VAC14: variants seen among roughly 807,000 people sequenced by gnomAD.
VAC14 encodes VAC14 component of PIKFYVE complex, also known as protein VAC14 homolog.
VAC14 carries 47 observed loss-of-function variants against 85.3 expected under a neutral mutation model. That is an observed-to-expected ratio of 0.55 (90% CI 0.44 to 0.70). The LOEUF is 0.70. Ranked by LOEUF, VAC14 falls within the 30% of genes least tolerant of loss-of-function variation. The probability of loss-of-function intolerance (pLI) is 0.00; values close to 1 mark genes in which losing one functional copy is unlikely to be tolerated. For missense variants in VAC14, 861 were observed against 1,004.3 expected (o/e 0.86, Z 1.93); for synonymous variants, 447 against 430.5 (o/e 1.04, Z -0.47).
intron 13 of VAC14, among the ~76,000 whole-genome samples, chr16:70,742,014 G>A (rs2030367872): frequency 6.6e-6 from 1 of 152,186 alleles, no homozygotes; most frequent in African/African-American, 2.4e-5. Flanking sequence ...CAGTCTCCTG[G>A]TCCTCCTTCC....
At chr16:70,763,384 G>A (rs1304955980) in intron 10 of VAC14, among the ~76,000 whole-genome samples, 2 of 152,216 alleles carry the variant, frequency 1.3e-5, no homozygotes, top group African/African-American at 2.4e-5. Flanking sequence ...TGCACAGGAG[G>A]AGAAACCCTC....
At chr16:70,688,470 A>T in intron 18 of VAC14, 1 of 994,284 alleles carries the variant, frequency 1.0e-6, no homozygotes. Flanking sequence ...TCTGGGGAGA[A>T]GGGGGAGGTG....
chr16:70,691,805 G>A, intron 18 of VAC14: 1 of 985,410 alleles, frequency 1.0e-6, no homozygotes, highest in South Asian at 4.7e-5. Context: ...GGGTGGGAGG[G>A]GCAGTGGGAG....
At chr16:70,782,042 C>T (rs764767197) in intron 7 of VAC14, 39 bp from the exon 8 acceptor site, 28 of 1,603,944 alleles carry the variant, frequency 1.7e-5, no homozygotes, top group Middle Eastern at 1.8e-4. Context: ...GGCCAGCACA[C>T]GCAGCCCGAG....
Position 70,776,968 on chromosome 16 carries a change from T to G in VAC14, c.1096+3822A>C, listed in dbSNP as rs938387995. 3.3e-5 allele frequency among the ~76,000 whole-genome samples: 5 copies of G among 152,030 alleles called. No homozygotes were observed. In the East Asian group the frequency reaches 9.6e-4, roughly 29 times the overall value. ...GACTATAGGCATGCACCACCATGAC[T>G]GGCTAATTTTTTGTATTTTTAGTAG... On this transcript the variant is annotated intron_variant, in intron 9 of 18. Transcript: ENST00000261776.
At position 70,745,115 on chromosome 16, in the gene VAC14, G is replaced by T. The variant is rs539565424; in HGVS notation, c.1372-536C>A. ...CCTCCACATTTGGCGTGCTACTCTG[G>T]TCTCCAAGGTAAAGGACTTCCTAAT... On this transcript the variant is annotated intron_variant, in intron 12 of 18. Coordinates refer to ENST00000261776, the MANE Select transcript of VAC14 (RefSeq NM_018052.5). 34 of 153,082 alleles carry T rather than the reference G, an allele frequency of 2.2e-4. No homozygotes were observed. In the South Asian group the frequency reaches 6.6e-3, roughly 30 times the overall value. The allele number at this position is 153,082 out of a possible 1,614,324, so 9.5% of individuals were successfully genotyped here. A position where few individuals can be genotyped will look rare whatever the true frequency, so the allele number is the denominator to read the frequency against.
At chr16:70,785,297 C>T (rs965160453) in intron 3 of VAC14, among the ~76,000 whole-genome samples, 1 of 152,242 alleles carries the variant, frequency 6.6e-6, no homozygotes, top group African/African-American at 2.4e-5. Flanking sequence ...CTCCACCAGG[C>T]TGCAAGAGGC....
At chr16:70,698,290 AG>A (rs1292827248) in intron 15 of VAC14, among the ~76,000 whole-genome samples, 3 of 152,182 alleles carry the variant, frequency 2.0e-5, no homozygotes, top group Non-Finnish European at 2.9e-5. Context: ...ACCACCATGC[AG>A]GGTGGGCCCA....
At chr16:70,779,142 T>C (rs2033683419) in intron 9 of VAC14, 1 of 152,256 alleles carries the variant, frequency 6.6e-6, no homozygotes, top group Non-Finnish European at 1.5e-5. Flanking sequence ...TCCAGCTGTT[T>C]TGTTGCTCTG....
chr16:70,758,559 G>A (rs374179560), intron 12 of VAC14, among the ~76,000 whole-genome samples: 32 of 152,324 alleles, frequency 2.1e-4, no homozygotes, highest in African/African-American at 4.8e-4. Context: ...TCCCACCATC[G>A]GGACCATGGA....
intron 1 of VAC14, among the ~76,000 whole-genome samples, chr16:70,794,927 C>T (rs921732205): frequency 3.3e-5 from 5 of 152,180 alleles, no homozygotes; most frequent in Non-Finnish European, 5.9e-5. Flanking sequence ...ACAGTGGACC[C>T]GTAAGATGAT....
At chr16:70,695,470 G>C in intron 17 of VAC14, 74 bp downstream of exon 17, 1 of 1,503,548 alleles carries the variant, frequency 6.7e-7, no homozygotes, top group Non-Finnish European at 9.2e-7. Flanking sequence ...ACCAACTGGA[G>C]CTTGACTTCA....
chr16:70,749,830 A>G (rs2031234200), intron 12 of VAC14, among the ~76,000 whole-genome samples: 1 of 152,152 alleles, frequency 6.6e-6, no homozygotes, highest in Non-Finnish European at 1.5e-5. Context: ...GAGGCTCTGG[A>G]GCACCAATCT....
chr16:70,786,029 G>T, intron 2 of VAC14, 160 bp from the exon 3 acceptor site: 1 of 1,323,262 alleles, frequency 7.6e-7, no homozygotes, highest in Non-Finnish European at 1.0e-6. Flanking sequence ...CCAGGAGAGG[G>T]CCCATGCCTA....
At chr16:70,777,957 C>T (rs929743167) in intron 9 of VAC14, among the ~76,000 whole-genome samples, 7 of 152,078 alleles carry the variant, frequency 4.6e-5, no homozygotes, top group African/African-American at 1.4e-4. Context: ...CTCCTGGGCA[C>T]CTTGGTAAAA....
chr16:70,692,497 C>T (rs549820792), intron 18 of VAC14, among the ~76,000 whole-genome samples: 16 of 152,272 alleles, frequency 1.1e-4, no homozygotes, highest in African/African-American at 3.6e-4. Flanking sequence ...TCTCCAGGGT[C>T]CTCTGTCTGG....
rs1370013325 is a variant in VAC14, at chr16:70,711,856, G to A, written c.1662-13045C>T. On this transcript the variant is annotated intron_variant, in intron 14 of 18. Transcript: ENST00000261776. Reference sequence around the variant, plus strand: ...TGAGATAAGTGTCAGGAAACAGGACGAGAAGTTAAACATGAATACTCACCA... The same window carrying A: ...TGAGATAAGTGTCAGGAAACAGGACAAGAAGTTAAACATGAATACTCACCA... 2.0e-5 allele frequency among the ~76,000 whole-genome samples: 3 copies of A among 152,204 alleles called. No individual in the cohort carries two copies. In the East Asian group the frequency reaches 5.8e-4, roughly 29 times the overall value.
intron 12 of VAC14, among the ~76,000 whole-genome samples, chr16:70,746,117 C>T (rs984294596): frequency 1.3e-5 from 2 of 152,208 alleles, no homozygotes; most frequent in Non-Finnish European, 2.9e-5. Flanking sequence ...TCAATGCAAA[C>T]ACAGTGCCAG....
intron 1 of VAC14, among the ~76,000 whole-genome samples, chr16:70,788,379 C>T (rs987946307): frequency 6.6e-6 from 1 of 152,148 alleles, no homozygotes; most frequent in South Asian, 2.1e-4. Flanking sequence ...GGCTGGTGGA[C>T]GTTGGAGAGG....
Sources: allele counts gnomAD v4.1 joint callset (sites outside exome capture counted in the v4.1 genomes callset), GRCh38; gene constraint gnomAD v4.1.1; transcripts MANE v1.5; gene names NCBI Gene and HGNC (gene_info 2026-07-23, HGNC 2026-07-21).